Variants in IL6R observed in about 807,000 individuals in gnomAD.
The protein encoded by IL6R is interleukin-6 receptor subunit alpha.
A neutral mutation model predicts 48.3 loss-of-function variants in IL6R; 38 were observed. The ratio of observed to expected loss-of-function variants is 0.79; its 90% CI spans 0.61 to 1.03. The LOEUF (loss-of-function observed/expected upper bound fraction) is 1.03. IL6R is among the 50% of genes least tolerant of loss of function. The pLI is 0.00. For synonymous variants in IL6R, 264 were observed against 256.2 expected, an observed-to-expected ratio of 1.03 and a Z score of -0.29; for missense variants, 534 against 618.3, an observed-to-expected ratio of 0.86 and a Z score of 1.45.
At chr1:154,414,461 G>T in intron 1 of IL6R, 1 of 1,171,086 alleles carries the variant, frequency 8.5e-7, no homozygotes, top group Non-Finnish European at 1.3e-6. Flanking sequence ...CTGCTGGCCG[G>T]CAAAACTATA....
At chr1:154,438,910 T>C (rs537866150) in intron 6 of IL6R, among the ~76,000 whole-genome samples, 40 of 152,322 alleles carry the variant, frequency 2.6e-4, no homozygotes, top group African/African-American at 9.4e-4. Context: ...TTTTTCCTGC[T>C]CAGACCTGGA....
chr1:154,427,850 G>A (rs546622204), intron 1 of IL6R, among the ~76,000 whole-genome samples: 3 of 152,244 alleles, frequency 2.0e-5, no homozygotes, highest in South Asian at 4.2e-4. Flanking sequence ...AGATAAAAAC[G>A]CCTCATAAAC....
intron 9 of IL6R, among the ~76,000 whole-genome samples, chr1:154,459,473 C>A: frequency 6.6e-6 from 1 of 152,190 alleles, no homozygotes; most frequent in Non-Finnish European, 1.5e-5. Flanking sequence ...TACTGTGGGG[C>A]TCTGGGCTGC....
At chr1:154,407,712 T>G (rs906560483) in intron 1 of IL6R, among the ~76,000 whole-genome samples, 16 of 152,100 alleles carry the variant, frequency 1.1e-4, no homozygotes, top group African/African-American at 3.9e-4. Context: ...GCGGGGCTCT[T>G]AGAGCCCAGA....
intron 1 of IL6R, among the ~76,000 whole-genome samples, chr1:154,416,687 C>T (rs889637022): frequency 5.9e-5 from 9 of 151,858 alleles, no homozygotes; most frequent in Non-Finnish European, 1.2e-4. Context: ...AAGCTCATGG[C>T]ACATGGGGGA....
At chr1:154,462,804 TAA>T (rs1463555543) in intron 9 of IL6R, among the ~76,000 whole-genome samples, 12 of 152,262 alleles carry the variant, frequency 7.9e-5, no homozygotes, top group African/African-American at 2.9e-4. Flanking sequence ...TTTATTTAAT[TAA>T]TTAATTAATT....
intron 3 of IL6R, 68 bp from the exon 4 acceptor site, chr1:154,434,451 C>T: frequency 7.1e-7 from 1 of 1,402,536 alleles, no homozygotes; most frequent in Non-Finnish European, 9.8e-7. Flanking sequence ...TCCACTTCCC[C>T]CTTCTGTCCC....
At chr1:154,434,431 A>G in intron 3 of IL6R, 88 bp from the exon 4 acceptor site, 2 of 1,198,140 alleles carry the variant, frequency 1.7e-6, no homozygotes, top group Non-Finnish European at 2.4e-6. Context: ...TGGGATTCAA[A>G]CCCCGGGATT....
chr1:154,447,689 T>G (rs1049600608), intron 6 of IL6R, among the ~76,000 whole-genome samples: 1 of 141,218 alleles, frequency 7.1e-6, no homozygotes, highest in South Asian at 2.2e-4. Context: ...ATGCTGTTTT[T>G]TGTTTTGTTT....
intron 8 of IL6R, among the ~76,000 whole-genome samples, chr1:154,452,992 G>A (rs951589407): frequency 1.3e-5 from 2 of 151,998 alleles, no homozygotes; most frequent in African/African-American, 4.8e-5. Context: ...ATCACCTAAG[G>A]TCAGGAGTTG....
chr1:154,430,123 T>G (rs1016797778), intron 2 of IL6R, among the ~76,000 whole-genome samples: 5 of 152,164 alleles, frequency 3.3e-5, no homozygotes, highest in African/African-American at 1.2e-4. Context: ...ATTTTATACA[T>G]GAGGAAACTG....
chr1:154,465,337 G>C lies in IL6R; in HGVS notation c.1364G>C (p.Ser455Thr), dbSNP rs974555512. Reference sequence around the variant, plus strand: ...CGACCAGATGCCAGGGACCCACGGAGCCCTTATGACATCAGCAATACAGAC... The same window carrying C: ...CGACCAGATGCCAGGGACCCACGGACCCCTTATGACATCAGCAATACAGAC... ...HNRPDARDPR[S>T]PYDISNTDYF... Residue 455 changes from serine (S) to threonine (T), a missense_variant, in exon 10 of 10, where the codon AGC becomes ACC. Ser to Thr is a moderately conservative substitution (Grantham distance 58). Transcript: ENST00000368485. The C allele has an allele frequency of 6.2e-7, 1 of 1,614,206 alleles. No individual in the cohort carries two copies. Among genetic ancestry groups the C allele is most frequent in the African/African-American group, 1.3e-5 (1 of 75,056 alleles).
Position 154,468,459 on chromosome 1 carries a change from G to A in IL6R, c.*3079G>A, listed in dbSNP as rs551747869. The A allele has an allele frequency of 7.9e-5, 12 of 152,374 alleles. No homozygotes were observed. The highest frequency in any genetic ancestry group is 7.2e-4 in the Admixed American group (11 of 15,306). 9.4% of individuals were successfully genotyped at this position (152,374 alleles called of 1,614,324 possible). ...GGCCTAAAGTAAAATGATCAATAAT[G>A]TTTGTAGCATTAATGAAATATTTTC... is the stretch of plus-strand genomic sequence containing the variant. On this transcript the variant is annotated 3_prime_UTR_variant, in exon 10 of 10. Coordinates refer to ENST00000368485, the MANE Select transcript of IL6R (RefSeq NM_000565.4).
intron 1 of IL6R, among the ~76,000 whole-genome samples, chr1:154,413,065 G>A (rs1409770672): frequency 6.0e-5 from 9 of 149,998 alleles, no homozygotes; most frequent in Admixed American, 2.0e-4. Context: ...GCAGTGGCAC[G>A]ATGTTGGCTC....
At chr1:154,436,555 C>T (rs1689641839) in intron 6 of IL6R, among the ~76,000 whole-genome samples, 2 of 152,172 alleles carry the variant, frequency 1.3e-5, no homozygotes, top group African/African-American at 4.8e-5. Flanking sequence ...AGTTAGGCAG[C>T]TCTTCTGCTG....
At chr1:154,447,476 T>TATACACACACACACACACACAC (rs1424013885) in intron 6 of IL6R, among the ~76,000 whole-genome samples, 1 of 68,834 alleles carries the variant, frequency 1.5e-5, no homozygotes, top group African/African-American at 5.6e-5. Context: ...TATATATATA[T>TATACACACACACACACACACAC]ACACACACAC....
At chr1:154,465,018 C>A in intron 9 of IL6R, 116 bp from the exon 10 acceptor site, 1 of 1,211,726 alleles carries the variant, frequency 8.3e-7, no homozygotes, top group Non-Finnish European at 1.2e-6. Context: ...TCCTTTGAGC[C>A]GAAACCTGGG....
chr1:154,431,984 T>C (rs907467727), intron 3 of IL6R, among the ~76,000 whole-genome samples: 3 of 152,156 alleles, frequency 2.0e-5, no homozygotes, highest in Admixed American at 1.3e-4. Context: ...GTAGCCGAAA[T>C]CTTGGAAAGC....
chr1:154,440,297 A>G (rs750728928), intron 6 of IL6R, among the ~76,000 whole-genome samples: 1 of 152,098 alleles, frequency 6.6e-6, no homozygotes, highest in Non-Finnish European at 1.5e-5. Context: ...GTGTTGATTC[A>G]TTCATTTGTC....
Sources: allele counts gnomAD v4.1 joint callset (sites outside exome capture counted in the v4.1 genomes callset), GRCh38; gene constraint gnomAD v4.1.1; transcripts MANE v1.5; gene names NCBI Gene and HGNC (gene_info 2026-07-23, HGNC 2026-07-21).